RAPH1: variants seen among roughly 807,000 people sequenced by gnomAD.
The protein encoded by RAPH1 is ras-associated and pleckstrin homology domains-containing protein 1.
A neutral mutation model predicts 88.1 loss-of-function variants in RAPH1; 18 were observed. That is an observed-to-expected ratio of 0.20 (90% CI 0.14 to 0.30). The LOEUF is 0.30. Ranked by LOEUF, RAPH1 falls within the 10% of genes least tolerant of loss-of-function variation. RAPH1 has a pLI of 1.00. For missense variants in RAPH1, 1,448 were observed against 1,543.2 expected (o/e 0.94, Z 1.03); for synonymous variants, 587 against 559.0 (o/e 1.05, Z -0.71).
intron 4 of RAPH1, among the ~76,000 whole-genome samples, chr2:203,488,026 A>G (rs1447801657): frequency 1.3e-5 from 2 of 152,176 alleles, no homozygotes; most frequent in Non-Finnish European, 2.9e-5. Context: ...CCCATATTAG[A>G]ATATTGTCAA....
intron 1 of RAPH1, among the ~76,000 whole-genome samples, chr2:203,504,338 G>C (rs935707825): frequency 5.9e-5 from 9 of 152,166 alleles, no homozygotes; most frequent in African/African-American, 1.9e-4. Flanking sequence ...CTTGACTTCT[G>C]TGCACCCGCA....
At chr2:203,512,005 C>T (rs912611034) in intron 1 of RAPH1, among the ~76,000 whole-genome samples, 2 of 151,284 alleles carry the variant, frequency 1.3e-5, no homozygotes, top group African/African-American at 2.4e-5. Context: ...CCCAGCTACT[C>T]GGGAGGCTGA....
At chr2:203,510,552 A>G (rs1183415718) in intron 1 of RAPH1, among the ~76,000 whole-genome samples, 1 of 152,128 alleles carries the variant, frequency 6.6e-6, no homozygotes, top group African/African-American at 2.4e-5. Flanking sequence ...TTCCAGGGTC[A>G]CTGAAACTAC....
intron 10 of RAPH1, among the ~76,000 whole-genome samples, chr2:203,450,792 C>G (rs1340115323): frequency 1.3e-5 from 2 of 152,186 alleles, no homozygotes; most frequent in African/African-American, 4.8e-5. Flanking sequence ...TGTATCACCA[C>G]GCCCTCCCTT....
chr2:203,522,873 G>A (rs1172411457), intron 1 of RAPH1, among the ~76,000 whole-genome samples: 2 of 140,852 alleles, frequency 1.4e-5, no homozygotes, highest in Non-Finnish European at 3.0e-5. Flanking sequence ...TCTAGCCTGG[G>A]CAACAGAGCA....
intron 1 of RAPH1, among the ~76,000 whole-genome samples, chr2:203,503,075 T>G (rs953151348): frequency 6.6e-6 from 1 of 151,644 alleles, no homozygotes; most frequent in Non-Finnish European, 1.5e-5. Context: ...ATCCAGGAGG[T>G]AGAGGTTGCA....
At chr2:203,480,162 C>G (rs879460018) in intron 4 of RAPH1, among the ~76,000 whole-genome samples, 3 of 152,222 alleles carry the variant, frequency 2.0e-5, no homozygotes, top group African/African-American at 7.2e-5. Flanking sequence ...TTATGAATCA[C>G]TACTTTCTTG....
chr2:203,441,074 T>C lies in RAPH1; in HGVS notation c.2116A>G (p.Asn706Asp). ...SVKPQILVPP[N>D]GVVPPPPPPP... ...GGAGGGGGTGGTGGAACAACTCCAT[T>C]GGGGGGTACCAGGATCTGAGGCTTC... is the stretch of plus-strand genomic sequence containing the variant. Residue 706 changes from asparagine (N) to aspartate (D), a missense_variant, in exon 14 of 14, where the codon AAT becomes GAT. Coordinates refer to ENST00000319170, the MANE Select transcript of RAPH1 (RefSeq NM_213589.3). The C allele has an allele frequency of 2.0e-6, 2 of 999,398 alleles. No individual in the cohort carries two copies. Among genetic ancestry groups the C allele is most frequent in the Non-Finnish European group, 2.7e-6 (2 of 750,686 alleles). 61.9% of individuals were successfully genotyped at this position (999,398 alleles called of 1,614,324 possible).
At position 203,435,558 on chromosome 2, in the gene RAPH1, GGTTTTCTTCCC is replaced by G; in HGVS notation, c.*3868_*3878del. ...AGTGAAAGTTACCTGCAATCTAAAGGGTTTTCTTCCCCTAGAAACAGTCACCCTCTCGTCAA... is the reference window on the plus strand; with the variant it reads ...AGTGAAAGTTACCTGCAATCTAAAGGCTAGAAACAGTCACCCTCTCGTCAA... On this transcript the variant is annotated 3_prime_UTR_variant, in exon 14 of 14. Coordinates refer to ENST00000319170, the MANE Select transcript of RAPH1 (RefSeq NM_213589.3). The G allele has an allele frequency of 6.6e-6, 1 of 151,548 alleles. No homozygotes were observed. The highest frequency in any genetic ancestry group is 1.5e-5 in the Non-Finnish European group (1 of 67,922). 9.4% of individuals were successfully genotyped at this position (151,548 alleles called of 1,614,324 possible).
At chr2:203,460,202 T>C (rs1414483600) in intron 6 of RAPH1, among the ~76,000 whole-genome samples, 174 bp from the exon 7 acceptor site, 1 of 152,206 alleles carries the variant, frequency 6.6e-6, no homozygotes, top group Non-Finnish European at 1.5e-5. Flanking sequence ...GCCTTAATTA[T>C]GTTAATGACA....
At chr2:203,449,147 C>G (rs1482909013) in intron 10 of RAPH1, among the ~76,000 whole-genome samples, 1 of 152,192 alleles carries the variant, frequency 6.6e-6, no homozygotes, top group Non-Finnish European at 1.5e-5. Flanking sequence ...TTAACAGAGT[C>G]CATAGAATTC....
intron 4 of RAPH1, chr2:203,470,137 G>T (rs1388606780): frequency 8.4e-6 from 6 of 715,186 alleles, no homozygotes; most frequent in Non-Finnish European, 1.4e-5. Flanking sequence ...TGACAAAGAT[G>T]CTAGAGTAAG....
intron 4 of RAPH1, among the ~76,000 whole-genome samples, chr2:203,482,802 CA>C (rs767753324): frequency 7.0e-6 from 1 of 143,106 alleles, no homozygotes; most frequent in Non-Finnish European, 1.5e-5. Flanking sequence ...GAATCTGTCT[CA>C]AAAAAAACAA....
chr2:203,465,451 G>A (rs536873335), intron 4 of RAPH1, among the ~76,000 whole-genome samples: 36 of 152,278 alleles, frequency 2.4e-4, no homozygotes, highest in Admixed American at 6.5e-4. Flanking sequence ...CCATAAAGAC[G>A]ATAAAAAGAT....
In RAPH1 at chr2:203,489,753, C is replaced by G. The variant is rs201303956; in HGVS notation, c.563G>C (p.Arg188Thr). 17 of 1,614,196 alleles carry G rather than the reference C, an allele frequency of 1.1e-5. No individual in the cohort carries two copies. ...DTKPLVTNQH[R>T]RTASAGTVSD... ...CACTGTGCCTGCTGACGCGGTTCTT[C>G]TGTGCTGATTAGTTACTAAGGGTTT... Residue 188 changes from arginine (R) to threonine (T), a missense_variant, in exon 4 of 14, where the codon AGA becomes ACA. By Grantham distance (71) the Arg-to-Thr change is moderately conservative. Coordinates refer to ENST00000319170, the MANE Select transcript of RAPH1 (RefSeq NM_213589.3).
chr2:203,480,494 G>C (rs1486900545), intron 4 of RAPH1, among the ~76,000 whole-genome samples: 1 of 152,164 alleles, frequency 6.6e-6, no homozygotes, highest in African/African-American at 2.4e-5. Context: ...GCTGCAGTGA[G>C]CTGAGATTGC....
intron 4 of RAPH1, among the ~76,000 whole-genome samples, chr2:203,487,543 A>C (rs564046180): frequency 2.6e-5 from 4 of 151,934 alleles, no homozygotes; most frequent in African/African-American, 9.7e-5. Flanking sequence ...ACCACATCCA[A>C]CTAATTTTTT....
chr2:203,502,652 T>A (rs1688787541), intron 1 of RAPH1, among the ~76,000 whole-genome samples: 1 of 151,104 alleles, frequency 6.6e-6, no homozygotes. Context: ...AAACCCCGCC[T>A]CTACTAAAAA....
intron 1 of RAPH1, among the ~76,000 whole-genome samples, chr2:203,523,862 G>A (rs1690000449): frequency 6.6e-6 from 1 of 152,076 alleles, no homozygotes; most frequent in Non-Finnish European, 1.5e-5. Flanking sequence ...AAGTTAGCTG[G>A]GTGTGGTGGC....
Sources: gnomAD v4.1 joint callset for allele counts (sites outside exome capture counted in the v4.1 genomes callset) on GRCh38, gnomAD v4.1.1 for gene constraint, MANE v1.5 for transcripts, NCBI Gene and HGNC (gene_info 2026-07-23, HGNC 2026-07-21) for gene names.